CADM2: variants seen among roughly 807,000 people sequenced by gnomAD.
CADM2 encodes the protein immunoglobulin superfamily member 4D.
In CADM2, 12 loss-of-function variants were observed where a neutral mutation model predicts 49.8. That is an observed-to-expected ratio of 0.24 (90% CI 0.15 to 0.39). The LOEUF (loss-of-function observed/expected upper bound fraction) is 0.39, where lower values mean the gene tolerates loss of function less well. Among genes scored for constraint, CADM2 ranks in the 10% least tolerant of loss-of-function variants. The pLI is 1.00. For missense variants in CADM2, 378 were observed against 492.3 expected (o/e 0.77, Z 2.20); for synonymous variants, 214 against 175.4 (o/e 1.22, Z -1.74).
intron 1 of CADM2, among the ~76,000 whole-genome samples, chr3:85,630,152 T>C (rs1462162074): frequency 6.6e-6 from 1 of 152,048 alleles, no homozygotes; most frequent in Non-Finnish European, 1.5e-5. Flanking sequence ...TGTGAGAATC[T>C]AAGACCATGC....
At chr3:85,181,246 A>T (rs1379962970) in intron 1 of CADM2, among the ~76,000 whole-genome samples, 1 of 152,154 alleles carries the variant, frequency 6.6e-6, no homozygotes, top group Non-Finnish European at 1.5e-5. Flanking sequence ...TAAATCTTTT[A>T]TGTGACTAAA....
intron 3 of CADM2, among the ~76,000 whole-genome samples, chr3:85,868,599 T>G (rs2075807761): frequency 6.6e-6 from 1 of 152,182 alleles, no homozygotes; most frequent in South Asian, 2.1e-4. Context: ...GTCCTCAAAG[T>G]TGTGATGAAA....
intron 8 of CADM2, among the ~76,000 whole-genome samples, chr3:86,055,529 C>T (rs148754122): frequency 0.018 from 2,476 of 137,330 alleles, 37 homozygotes; most frequent in South Asian, 0.03. Context: ...TGCAGTAGCG[C>T]GATCTCAGCT....
intron 2 of CADM2, among the ~76,000 whole-genome samples, chr3:85,738,010 G>A (rs540314676): frequency 1.3e-5 from 2 of 152,274 alleles, no homozygotes; most frequent in Non-Finnish European, 2.9e-5. Flanking sequence ...TAAGCATGCT[G>A]TCTAGAGACA....
intron 1 of CADM2, among the ~76,000 whole-genome samples, chr3:85,116,307 C>G (rs9846593): frequency 1.8e-4 from 27 of 152,240 alleles, no homozygotes; most frequent in Middle Eastern, 6.8e-3. Context: ...GCCTGGGCAA[C>G]GAAGTGATCT....
At chr3:85,202,565 G>A (rs1242482684) in intron 1 of CADM2, among the ~76,000 whole-genome samples, 1 of 152,054 alleles carries the variant, frequency 6.6e-6, no homozygotes, top group African/African-American at 2.4e-5. Context: ...CTGTCATATG[G>A]GCTTTTTGTT....
intron 2 of CADM2, among the ~76,000 whole-genome samples, chr3:85,757,751 A>T (rs998158767): frequency 2.0e-5 from 3 of 152,094 alleles, no homozygotes; most frequent in African/African-American, 7.2e-5. Context: ...GTGATTGGAG[A>T]TGAGGCTGGA....
intron 1 of CADM2, among the ~76,000 whole-genome samples, chr3:85,632,579 A>C (rs1386741257): frequency 2.6e-5 from 4 of 152,060 alleles, no homozygotes; most frequent in African/African-American, 9.7e-5. Context: ...ATGGTTTGTA[A>C]TTTCAGCTAT....
intron 1 of CADM2, among the ~76,000 whole-genome samples, chr3:85,592,122 A>C (rs1418575435): frequency 6.6e-6 from 1 of 152,030 alleles, no homozygotes; most frequent in African/African-American, 2.4e-5. Flanking sequence ...AATTTATAAT[A>C]TGATTTAAAA....
At chr3:85,776,422 C>G (rs1346153809) in intron 2 of CADM2, among the ~76,000 whole-genome samples, 1 of 151,716 alleles carries the variant, frequency 6.6e-6, no homozygotes, top group Non-Finnish European at 1.5e-5. Flanking sequence ...GTGAATACTA[C>G]TGAAGTCAAA....
intron 8 of CADM2, among the ~76,000 whole-genome samples, chr3:86,021,307 C>CT (rs11448900): frequency 0.17 from 26,206 of 151,966 alleles, 2,291 homozygotes; most frequent in South Asian, 0.24. Context: ...GCCAAAACTG[C>CT]TTTTTTGTAT....
intron 1 of CADM2, among the ~76,000 whole-genome samples, chr3:85,364,181 T>A (rs1418274709): frequency 6.6e-6 from 1 of 152,180 alleles, no homozygotes. Context: ...TGCCGTTTTA[T>A]GGCTAAATGA....
chr3:86,041,189 C>T lies in CADM2; in HGVS notation c.971-24416C>T, dbSNP rs527255377. Among the ~76,000 whole-genome samples the T allele has an allele frequency of 3.0e-3, 461 of 152,240 alleles. 3 individuals are homozygous for T. Among genetic ancestry groups the T allele is most frequent in the African/African-American group, 1.0e-2 (414 of 41,546 alleles). ...CTGAATGAACTAACGAGCAAAATAA[C>T]GAGCTAACATCATAATGACAGGATC... On this transcript the variant is annotated intron_variant, in intron 8 of 9. Transcript: ENST00000383699.
chr3:85,460,021 G>A (rs1339166174), intron 1 of CADM2, among the ~76,000 whole-genome samples: 2 of 152,136 alleles, frequency 1.3e-5, no homozygotes, highest in Admixed American at 6.5e-5. Context: ...GGCTTTACGT[G>A]AAGAAACCTT....
Position 85,035,271 on chromosome 3 carries a change from G to A in CADM2, c.61+75603G>A, listed in dbSNP as rs569635840. Among the ~76,000 whole-genome samples the A allele has an allele frequency of 2.6e-5, 4 of 152,186 alleles. No individual in the cohort carries two copies. The East Asian group carries it at 7.7e-4, about 29-fold the overall frequency. ...TGCCCATTTTTAAATCCGATTATTAGATTTGTTTCCTACAGCGTTGTTTGA... is the reference window on the plus strand; with the variant it reads ...TGCCCATTTTTAAATCCGATTATTAAATTTGTTTCCTACAGCGTTGTTTGA... On this transcript the variant is annotated intron_variant, in intron 1 of 9. Coordinates refer to ENST00000383699, the MANE Select transcript of CADM2 (RefSeq NM_001167675.2).
At chr3:85,223,508 T>A (rs2042084897) in intron 1 of CADM2, among the ~76,000 whole-genome samples, 1 of 152,164 alleles carries the variant, frequency 6.6e-6, no homozygotes, top group Non-Finnish European at 1.5e-5. Context: ...AATATATTTA[T>A]CCCGGAGTAG....
At chr3:85,353,581 A>T (rs1364917374) in intron 1 of CADM2, among the ~76,000 whole-genome samples, 1 of 151,132 alleles carries the variant, frequency 6.6e-6, no homozygotes, top group Non-Finnish European at 1.5e-5. Context: ...TATTTTATCA[A>T]AGTGAATCAT....
intron 1 of CADM2, among the ~76,000 whole-genome samples, chr3:85,167,639 T>C (rs2040505446): frequency 6.6e-6 from 1 of 152,206 alleles, no homozygotes; most frequent in Non-Finnish European, 1.5e-5. Context: ...ACCAGTGTGT[T>C]ATACTTTCTC....
chr3:85,700,786 C>T (rs2066729215), intron 1 of CADM2, among the ~76,000 whole-genome samples: 1 of 152,168 alleles, frequency 6.6e-6, no homozygotes, highest in African/African-American at 2.4e-5. Flanking sequence ...ATATCACTAT[C>T]AGCATTTTGG....
Sources: allele counts gnomAD v4.1 joint callset (sites outside exome capture counted in the v4.1 genomes callset), GRCh38; gene constraint gnomAD v4.1.1; transcripts MANE v1.5; gene names NCBI Gene and HGNC (gene_info 2026-07-23, HGNC 2026-07-21).